The following DYNC2H1 variants were observed in gnomAD, a reference collection of about 807,000 sequenced individuals.
The protein encoded by DYNC2H1 is cytoplasmic dynein 2 heavy chain 1.
In DYNC2H1, 410 loss-of-function variants were observed where a neutral mutation model predicts 570.0. That is an observed-to-expected ratio of 0.72 (90% CI 0.66 to 0.78). The LOEUF is 0.78. Among genes scored for constraint, DYNC2H1 ranks in the 30% least tolerant of loss-of-function variants. The probability of loss-of-function intolerance (pLI) is 0.00; values close to 1 mark genes in which losing one functional copy is unlikely to be tolerated. For synonymous variants in DYNC2H1, 1,688 were observed against 1,677.6 expected (o/e 1.01, Z -0.15); for missense variants, 4,865 against 5,046.4 (o/e 0.96, Z 1.09).
At position 103,257,552 on chromosome 11, in the gene DYNC2H1, A is replaced by C; in HGVS notation, c.10462-56A>C. 2.7e-6 allele frequency: 4 copies of C among 1,491,228 alleles called. No homozygotes were observed. The South Asian group carries it at 6.0e-5, about 22-fold the overall frequency. 92.4% of individuals were successfully genotyped at this position (1,491,228 alleles called of 1,614,324 possible). ...GCATTGTAGTCTTTAGGTGGCAGTAAAGCACTAATTCTAAGGTGTTTCCAC... is the reference window on the plus strand; with the variant it reads ...GCATTGTAGTCTTTAGGTGGCAGTACAGCACTAATTCTAAGGTGTTTCCAC... On this transcript the variant is annotated intron_variant, in intron 68 of 88. Transcript: ENST00000375735.
In DYNC2H1 at chr11:103,201,390, G is replaced by A. The variant is rs1425713669; in HGVS notation, c.8197+1236G>A. ...TGCATTTTGCCTCTGAGATAAGTTC[G>A]AGTCTTGTTTTTCCTCTGAGATATA... On this transcript the variant is annotated intron_variant, in intron 50 of 88. Coordinates refer to ENST00000375735, the MANE Select transcript of DYNC2H1 (RefSeq NM_001377.3). This position sits in a 1 kb window ranked among gnomAD's most constrained non-coding sequence, Gnocchi z 4.8. 6.6e-6 allele frequency among the ~76,000 whole-genome samples: 1 copy of A among 151,974 alleles called. No individual in the cohort carries two copies. The highest frequency in any genetic ancestry group is 1.5e-5 in the Non-Finnish European group (1 of 68,000).
chr11:103,141,811 G>T (rs1032912568), intron 17 of DYNC2H1, among the ~76,000 whole-genome samples: 3 of 152,228 alleles, frequency 2.0e-5, no homozygotes, highest in Non-Finnish European at 4.4e-5. Flanking sequence ...GCCCCCAGAG[G>T]TGGAGCCTAC....
intron 84 of DYNC2H1, among the ~76,000 whole-genome samples, chr11:103,425,231 C>A (rs572079221): frequency 6.6e-6 from 1 of 152,178 alleles, no homozygotes; most frequent in East Asian, 1.9e-4. Context: ...CGCCACCTGG[C>A]CCAGCTTAAA....
chr11:103,359,332 T>G (rs892218533), intron 83 of DYNC2H1, among the ~76,000 whole-genome samples: 3 of 152,208 alleles, frequency 2.0e-5, no homozygotes, highest in Non-Finnish European at 4.4e-5. Context: ...TTAAACTACA[T>G]TCTTTGAAGT....
chr11:103,192,912 TA>T (rs1862374037), intron 47 of DYNC2H1, among the ~76,000 whole-genome samples: 1 of 152,240 alleles, frequency 6.6e-6, no homozygotes, highest in African/African-American at 2.4e-5. Context: ...AAAAGGTGCT[TA>T]TTTTTTCAGA....
intron 72 of DYNC2H1, among the ~76,000 whole-genome samples, chr11:103,282,803 A>C (rs1335419405): frequency 6.6e-6 from 1 of 152,236 alleles, no homozygotes; most frequent in Non-Finnish European, 1.5e-5. Flanking sequence ...CAATGAAAAA[A>C]TGATTGCAAC....
Position 103,135,993 on chromosome 11 carries a change from C to CTGAT in DYNC2H1, c.2574+53_2574+56dup, listed in dbSNP as rs750610567. Reference sequence around the variant, plus strand: ...CCATCCTTCCATCATAAAATTATTTCTGATTGATTGAATTTACATTAAATG... The same window carrying CTGAT: ...CCATCCTTCCATCATAAAATTATTTCTGATTGATTGATTGAATTTACATTAAATG... On this transcript the variant is annotated intron_variant, in intron 17 of 88. Coordinates refer to ENST00000375735, the MANE Select transcript of DYNC2H1 (RefSeq NM_001377.3). 2.8e-6 allele frequency: 4 copies of CTGAT among 1,412,828 alleles called. No individual in the cohort carries two copies. In the South Asian group the frequency reaches 6.4e-5, roughly 23 times the overall value. 87.5% of individuals were successfully genotyped at this position (1,412,828 alleles called of 1,614,324 possible). A position where few individuals can be genotyped will look rare whatever the true frequency, so the allele number is the denominator to read the frequency against.
intron 82 of DYNC2H1, among the ~76,000 whole-genome samples, chr11:103,338,183 A>C (rs1939251399): frequency 1.3e-5 from 2 of 151,992 alleles, no homozygotes; most frequent in Admixed American, 1.3e-4. Context: ...GTTGGTTGTA[A>C]ATGTGTGGAT....
At chr11:103,188,201 T>G (rs1045555686) in intron 43 of DYNC2H1, among the ~76,000 whole-genome samples, 3 of 152,100 alleles carry the variant, frequency 2.0e-5, no homozygotes, top group Non-Finnish European at 4.4e-5. Flanking sequence ...TCCTGATACT[T>G]TCATTTTCTA....
At chr11:103,218,935 A>G (rs1302616585) in intron 55 of DYNC2H1, among the ~76,000 whole-genome samples, 1 of 152,228 alleles carries the variant, frequency 6.6e-6, no homozygotes, top group African/African-American at 2.4e-5. Context: ...AAGGCTTGCA[A>G]TTCTAGGTTA....
chr11:103,383,181 G>A (rs1345380654), intron 83 of DYNC2H1, among the ~76,000 whole-genome samples: 3 of 152,140 alleles, frequency 2.0e-5, no homozygotes, highest in African/African-American at 7.2e-5. Flanking sequence ...TTGTTGGAAG[G>A]ATACTGAAAA....
intron 70 of DYNC2H1, among the ~76,000 whole-genome samples, chr11:103,266,828 C>T (rs531761018): frequency 5.3e-5 from 8 of 152,282 alleles, no homozygotes; most frequent in African/African-American, 9.6e-5. Context: ...TTGGGGCTTC[C>T]GGAGATGCCA....
At chr11:103,295,354 C>G (rs1175520265) in intron 75 of DYNC2H1, among the ~76,000 whole-genome samples, 1 of 152,182 alleles carries the variant, frequency 6.6e-6, no homozygotes, top group Non-Finnish European at 1.5e-5. Context: ...ATTAGGCTGA[C>G]TTATCCTAGA....
intron 84 of DYNC2H1, among the ~76,000 whole-genome samples, chr11:103,424,546 A>G (rs1379565952): frequency 6.6e-6 from 1 of 152,178 alleles, no homozygotes; most frequent in East Asian, 1.9e-4. Flanking sequence ...AGAGTCAAAA[A>G]CTAGAAACAG....
At chr11:103,210,404 T>C (rs1011940393) in intron 53 of DYNC2H1, among the ~76,000 whole-genome samples, 9 of 152,036 alleles carry the variant, frequency 5.9e-5, no homozygotes, top group African/African-American at 2.2e-4. Flanking sequence ...CTCTTCAAAT[T>C]AATTTTGATT....
At position 103,237,837 on chromosome 11, in the gene DYNC2H1, C is replaced by T. The variant is rs140484205; in HGVS notation, c.9819+1298C>T. Among the ~76,000 whole-genome samples the T allele has an allele frequency of 3.0e-4, 45 of 151,964 alleles. No individual in the cohort carries two copies. The East Asian group carries it at 8.5e-3, about 29-fold the overall frequency. On this transcript the variant is annotated intron_variant, in intron 63 of 88. Coordinates refer to ENST00000375735, the MANE Select transcript of DYNC2H1 (RefSeq NM_001377.3). ...TATGTTTATCAGAATAATTTTTTTA[C>T]CAATGTTAATTGAAAATGCTTAGTT...
chr11:103,469,310 T>G (rs1266962351), intron 88 of DYNC2H1, among the ~76,000 whole-genome samples: 1 of 152,230 alleles, frequency 6.6e-6, no homozygotes, highest in African/African-American at 2.4e-5. Context: ...ACAGTAGAAC[T>G]TGGGGTATAC....
At chr11:103,190,093 A>C (rs1862233962) in intron 45 of DYNC2H1, among the ~76,000 whole-genome samples, 1 of 152,102 alleles carries the variant, frequency 6.6e-6, no homozygotes, top group Non-Finnish European at 1.5e-5. Context: ...TTTAGAATTG[A>C]GTTTATCTTC....
At chr11:103,398,906 G>A (rs1462645240) in intron 83 of DYNC2H1, among the ~76,000 whole-genome samples, 2 of 151,748 alleles carry the variant, frequency 1.3e-5, no homozygotes, top group African/African-American at 2.4e-5. Context: ...TTCGTTTTTC[G>A]TTTTACTGTG....
Sources: gnomAD v4.1 joint callset for allele counts (sites outside exome capture counted in the v4.1 genomes callset) on GRCh38, gnomAD v4.1.1 for gene constraint, Gnocchi (gnomAD v3.1) non-coding constraint, MANE v1.5 for transcripts, NCBI Gene and HGNC (gene_info 2026-07-23, HGNC 2026-07-21) for gene names.